UHRF2: variants seen among roughly 807,000 people sequenced by gnomAD.
The protein encoded by UHRF2 is E3 ubiquitin-protein ligase UHRF2.
Under a neutral mutation model 96.8 loss-of-function variants are expected in UHRF2, and 23 were observed. That is an observed-to-expected ratio of 0.24 (90% CI 0.17 to 0.34). UHRF2 has a LOEUF of 0.34. UHRF2 is among the 10% of genes least tolerant of loss of function. UHRF2 has a pLI of 1.00. For synonymous variants in UHRF2, 385 were observed against 332.6 expected (o/e 1.16, Z -1.72); for missense variants, 685 against 981.5 (o/e 0.70, Z 4.04).
rs774106907 is a variant in UHRF2 at position 6,500,564 on chromosome 9, G to A, written c.2018G>A (p.Ser673Asn). The change falls in exon 14 of 16, where the codon AGT (serine) becomes AAT (asparagine). Residue 673 changes from serine (S) to asparagine (N), a missense_variant. Coordinates refer to ENST00000276893, the MANE Select transcript of UHRF2 (RefSeq NM_152896.3). ...AAAATAAATCTAGATGACTGTCCAA[G>A]TGCCTCCAAAGTGTACAAAGCATCA... The part of the protein sequence containing the change: ...KRPISDDDCP[S>N]ASKVYKASDS... 2 of 1,611,158 alleles carry A rather than the reference G, an allele frequency of 1.2e-6. No homozygotes were observed. Among genetic ancestry groups the A allele is most frequent in the Admixed American group, 3.4e-5 (2 of 59,652 alleles).
intron 9 of UHRF2, among the ~76,000 whole-genome samples, 183 bp from the exon 10 acceptor site, chr9:6,493,643 G>C (rs188187084): frequency 6.6e-6 from 1 of 152,288 alleles, no homozygotes; most frequent in Non-Finnish European, 1.5e-5. Flanking sequence ...GTTAGGTCAA[G>C]TTATATGACT....
At chr9:6,471,696 C>G (rs535895994) in intron 4 of UHRF2, among the ~76,000 whole-genome samples, 36 of 152,292 alleles carry the variant, frequency 2.4e-4, no homozygotes, top group African/African-American at 8.2e-4. Flanking sequence ...CCCAGCTAAG[C>G]TACTCCCAGA....
chr9:6,491,187 G>GT (rs1354922563), intron 9 of UHRF2, among the ~76,000 whole-genome samples: 1 of 152,208 alleles, frequency 6.6e-6, no homozygotes, highest in Non-Finnish European at 1.5e-5. Flanking sequence ...TTGAGAAGTA[G>GT]TTTGCTCAGT....
chr9:6,413,731 CCG>C (rs2130692858), intron 1 of UHRF2, 88 bp downstream of exon 1: 5 of 1,330,516 alleles, frequency 3.8e-6, no homozygotes, highest in South Asian at 1.8e-5. Flanking sequence ...GCTCTGTGCG[CCG>C]CGCGCGCAGG....
rs1295010684 is a variant in UHRF2 at position 6,500,570 on chromosome 9, C to G, written c.2024C>G (p.Ser675Cys). ...AATCTAGATGACTGTCCAAGTGCCT[C>G]CAAAGTGTACAAAGCATCAGATTCA... ...PISDDDCPSASKVYKASDSAE... is the reference protein window; with the variant it reads ...PISDDDCPSACKVYKASDSAE... Residue 675 changes from serine to cysteine, a missense_variant, in exon 14 of 16, where the codon TCC (serine) becomes TGC (cysteine). This residue lies in a region of UHRF2 where 99 missense variants were observed against 73.5 expected (regional missense o/e 1.35). Transcript: ENST00000276893. The G allele has an allele frequency of 6.2e-7, 1 of 1,612,040 alleles. No homozygotes were observed. Among genetic ancestry groups the G allele is most frequent in the African/African-American group, 1.3e-5 (1 of 74,864 alleles).
intron 10 of UHRF2, 163 bp downstream of exon 10, chr9:6,494,095 A>G: frequency 1.7e-6 from 1 of 595,482 alleles, no homozygotes; most frequent in South Asian, 2.4e-5. Context: ...CAGCATCCTA[A>G]CATATCTTTA....
intron 2 of UHRF2, among the ~76,000 whole-genome samples, chr9:6,422,305 C>T (rs1210654761): frequency 6.6e-6 from 1 of 152,078 alleles, no homozygotes; most frequent in Admixed American, 6.5e-5. Context: ...TGGTCTCGAA[C>T]TCCTGACCTC....
rs1816285943 is a variant in UHRF2 at position 6,501,401 on chromosome 9, T to G, written c.2163+692T>G. On this transcript the variant is annotated intron_variant, in intron 14 of 15. Coordinates refer to ENST00000276893, the MANE Select transcript of UHRF2 (RefSeq NM_152896.3). ...CCTTGTCATTTATAATACAATTACTTTTCTGTTTTCTTTCTCTCCAAAGTG... is the reference window on the plus strand; with the variant it reads ...CCTTGTCATTTATAATACAATTACTGTTCTGTTTTCTTTCTCTCCAAAGTG... 3.9e-5 allele frequency among the ~76,000 whole-genome samples: 6 copies of G among 152,212 alleles called. No homozygotes were observed. The South Asian group carries it at 1.2e-3, about 31-fold the overall frequency.
intron 12 of UHRF2, chr9:6,498,506 G>A: frequency 6.0e-6 from 1 of 167,328 alleles, no homozygotes; most frequent in Non-Finnish European, 1.3e-5. Context: ...GGGCACAGGG[G>A]GTGTCTCTCT....
At chr9:6,417,307 T>G (rs1361319929) in intron 1 of UHRF2, among the ~76,000 whole-genome samples, 1 of 152,230 alleles carries the variant, frequency 6.6e-6, no homozygotes, top group Non-Finnish European at 1.5e-5. Context: ...GCTTCTTAAG[T>G]ATTGTAAATA....
At position 6,428,776 on chromosome 9, in the gene UHRF2, T is replaced by G. The variant is rs1031919804; in HGVS notation, c.385-5138T>G. Among the ~76,000 whole-genome samples, 6 of 152,226 alleles carry G rather than the reference T, an allele frequency of 3.9e-5. No homozygotes were observed. In the South Asian group the frequency reaches 1.2e-3, roughly 32 times the overall value. On this transcript the variant is annotated intron_variant, in intron 2 of 15. Coordinates refer to ENST00000276893, the MANE Select transcript of UHRF2 (RefSeq NM_152896.3). ...GTTGTCCAGGCTGGTCTTGAACTCCTGGGTTCAAACAGTCCTCCTGCCACT... is the reference window on the plus strand; with the variant it reads ...GTTGTCCAGGCTGGTCTTGAACTCCGGGGTTCAAACAGTCCTCCTGCCACT...
intron 3 of UHRF2, chr9:6,434,379 T>C: frequency 1.8e-6 from 1 of 554,850 alleles, no homozygotes; most frequent in Non-Finnish European, 3.0e-6. Context: ...TGGTTTATTT[T>C]TTAGTATCAC....
At chr9:6,413,732 C>A in intron 1 of UHRF2, 89 bp downstream of exon 1, 1 of 1,325,546 alleles carries the variant, frequency 7.5e-7, no homozygotes, top group Non-Finnish European at 9.7e-7. Flanking sequence ...CTCTGTGCGC[C>A]GCGCGCGCAG....
chr9:6,431,119 A>T lies in UHRF2; in HGVS notation c.385-2795A>T, dbSNP rs150055419. Reference sequence around the variant, plus strand: ...TTCCTCTGAACTGCCTTTAAAATCCAGGCTTTATAACACAGCTTTAACATC... The same window carrying T: ...TTCCTCTGAACTGCCTTTAAAATCCTGGCTTTATAACACAGCTTTAACATC... On this transcript the variant is annotated intron_variant, in intron 2 of 15. Coordinates refer to ENST00000276893, the MANE Select transcript of UHRF2 (RefSeq NM_152896.3). Among the ~76,000 whole-genome samples the T allele has an allele frequency of 3.1e-3, 479 of 152,328 alleles. 3 individuals carry two copies. Among genetic ancestry groups the T allele is most frequent in the Middle Eastern group, 0.01 (3 of 294 alleles).
At chr9:6,492,345 T>G in intron 9 of UHRF2, 1 of 1,233,112 alleles carries the variant, frequency 8.1e-7, no homozygotes, top group Non-Finnish European at 1.1e-6. Context: ...TCTGTCCAGA[T>G]ACCGGGTGGA....
intron 5 of UHRF2, 125 bp downstream of exon 5, chr9:6,475,625 A>G (rs1823520831): frequency 2.3e-6 from 1 of 426,586 alleles, no homozygotes; most frequent in African/African-American, 2.0e-5. Context: ...TATTTTCAAG[A>G]CAACAGTTTT....
At chr9:6,422,612 G>C (rs1158732724) in intron 2 of UHRF2, 5 of 627,154 alleles carry the variant, frequency 8.0e-6, no homozygotes, top group Admixed American at 2.5e-5. Context: ...CATTAACTTA[G>C]ATCTTTTCTT....
intron 4 of UHRF2, among the ~76,000 whole-genome samples, chr9:6,474,758 C>T (rs943711462): frequency 1.3e-5 from 2 of 152,058 alleles, no homozygotes; most frequent in Non-Finnish European, 2.9e-5. Context: ...CAAATCCACA[C>T]CCGTAGTAGG....
chr9:6,488,230 G>A (rs1190946275), intron 9 of UHRF2, among the ~76,000 whole-genome samples: 1 of 111,506 alleles, frequency 9.0e-6, no homozygotes, highest in East Asian at 3.1e-4. Flanking sequence ...TGGGTGAACA[G>A]AGAGCAAGAC....
Sources: gnomAD v4.1 joint callset for allele counts (sites outside exome capture counted in the v4.1 genomes callset) on GRCh38, gnomAD v4.1.1 for gene constraint, gnomAD v4.1.1 regional missense constraint, MANE v1.5 for transcripts, NCBI Gene and HGNC (gene_info 2026-07-23, HGNC 2026-07-21) for gene names.